Variants in SIPA1L1 observed in about 807,000 individuals in gnomAD.
The protein encoded by SIPA1L1 is signal induced proliferation associated 1 like 1.
SIPA1L1 carries 26 observed loss-of-function variants against 162.7 expected under a neutral mutation model. That is an observed-to-expected ratio of 0.16 (90% CI 0.12 to 0.22). SIPA1L1 has a LOEUF of 0.22. Ranked by LOEUF, SIPA1L1 falls within the 10% of genes least tolerant of loss-of-function variation. The probability of loss-of-function intolerance (pLI) is 1.00; values close to 1 mark genes in which losing one functional copy is unlikely to be tolerated. For missense variants in SIPA1L1, 1,874 were observed against 2,241.0 expected, an observed-to-expected ratio of 0.84 and a Z score of 3.31; for synonymous variants, 829 against 837.4, an observed-to-expected ratio of 0.99 and a Z score of 0.17.
Position 71,547,771 on chromosome 14 carries a change from C to T in SIPA1L1, c.-303+18401C>T, listed in dbSNP as rs557009826. 1.1e-3 allele frequency among the ~76,000 whole-genome samples: 166 copies of T among 152,316 alleles called. 2 individuals are homozygous for T. The highest frequency in any genetic ancestry group is 3.9e-3 in the African/African-American group (161 of 41,568). ...ACCCTTTCCTTAAATAACAGATGCT[C>T]GTGAGCTGCACTTCAAGATTCCTGT... is the stretch of plus-strand genomic sequence containing the variant. On this transcript the variant is annotated intron_variant, in intron 4 of 23. Coordinates refer to ENST00000381232, the MANE Select transcript of SIPA1L1 (RefSeq NM_001386936.1).
chr14:71,479,119 A>G (rs1321700201), intron 2 of SIPA1L1, among the ~76,000 whole-genome samples: 1 of 152,044 alleles, frequency 6.6e-6, no homozygotes, highest in Admixed American at 6.6e-5. Flanking sequence ...ATTTCTTACG[A>G]AAAAAGTGGG....
At chr14:71,731,987 G>A (rs1407287768) in intron 20 of SIPA1L1, among the ~76,000 whole-genome samples, 1 of 152,152 alleles carries the variant, frequency 6.6e-6, no homozygotes, top group Non-Finnish European at 1.5e-5. Context: ...ATGGAAATTC[G>A]GGCCCCAGAG....
chr14:71,662,051 A>C (rs2043570597), intron 10 of SIPA1L1, among the ~76,000 whole-genome samples: 1 of 152,232 alleles, frequency 6.6e-6, no homozygotes, highest in South Asian at 2.1e-4. Flanking sequence ...GAGTTGAAGG[A>C]GATAGGGACC....
At chr14:71,611,891 A>T (rs2038265624) in intron 5 of SIPA1L1, among the ~76,000 whole-genome samples, 2 of 152,216 alleles carry the variant, frequency 1.3e-5, no homozygotes, top group African/African-American at 4.8e-5. Flanking sequence ...TCTAATGAAA[A>T]TATTAAACTG....
At position 71,502,407 on chromosome 14, in the gene SIPA1L1, T is replaced by TTGTG. The variant is rs113441124; in HGVS notation, c.-464-10320_-464-10317dup. 6.0e-4 allele frequency among the ~76,000 whole-genome samples: 90 copies of TTGTG among 149,092 alleles called. 1 individual carries two copies. Among genetic ancestry groups the TTGTG allele is most frequent in the Middle Eastern group, 6.8e-3 (2 of 294 alleles). The stretch of plus-strand genomic sequence containing the variant: ...GCACATGCTACCATGCCTGGCAATT[T>TTGTG]TGTGTGTGTGTGTGTGTGTTTTTAG... On this transcript the variant is annotated intron_variant, in intron 2 of 23. Transcript: ENST00000381232.
At chr14:71,603,124 G>C (rs1229766735) in intron 5 of SIPA1L1, among the ~76,000 whole-genome samples, 8 of 151,992 alleles carry the variant, frequency 5.3e-5, no homozygotes, top group African/African-American at 1.2e-4. Flanking sequence ...CTCTTACTTT[G>C]TTTGACTTAA....
chr14:71,446,059 G>A (rs905813163), intron 2 of SIPA1L1, among the ~76,000 whole-genome samples: 1 of 152,090 alleles, frequency 6.6e-6, no homozygotes, highest in Non-Finnish European at 1.5e-5. Context: ...GTGTTGCCCA[G>A]GCTGATCTTG....
At chr14:71,652,885 T>C (rs2042746479) in intron 8 of SIPA1L1, among the ~76,000 whole-genome samples, 1 of 152,196 alleles carries the variant, frequency 6.6e-6, no homozygotes, top group Non-Finnish European at 1.5e-5. Flanking sequence ...ACATTTATAA[T>C]AGTTGTTTCA....
At chr14:71,330,791 A>AC in intron 2 of SIPA1L1, 1 of 713,504 alleles carries the variant, frequency 1.4e-6, no homozygotes, top group Non-Finnish European at 2.6e-6. Flanking sequence ...GTCCCTGACG[A>AC]CCTCAGGCTT....
chr14:71,380,338 C>T (rs1221643374), intron 2 of SIPA1L1, among the ~76,000 whole-genome samples: 4 of 152,284 alleles, frequency 2.6e-5, no homozygotes, highest in Admixed American at 1.3e-4. Context: ...AAATGACGCT[C>T]ATCTCATAAC....
intron 2 of SIPA1L1, among the ~76,000 whole-genome samples, chr14:71,506,300 CT>C (rs1001644110): frequency 3.3e-5 from 5 of 152,028 alleles, no homozygotes; most frequent in Non-Finnish European, 7.4e-5. Context: ...ACATAAGATC[CT>C]TTTCTGGGAG....
chr14:71,698,932 G>C (rs1045036115), intron 13 of SIPA1L1, 49 bp from the exon 14 acceptor site: 1 of 1,607,344 alleles, frequency 6.2e-7, no homozygotes, highest in Admixed American at 1.7e-5. Context: ...GTTGCCTTGG[G>C]ATTTTCCCTT....
intron 2 of SIPA1L1, among the ~76,000 whole-genome samples, chr14:71,361,050 G>T (rs895612035): frequency 6.6e-6 from 1 of 151,954 alleles, no homozygotes; most frequent in Non-Finnish European, 1.5e-5. Flanking sequence ...AATTATACTG[G>T]TATGGAGAAA....
intron 2 of SIPA1L1, among the ~76,000 whole-genome samples, chr14:71,465,599 G>A (rs574251746): frequency 8.5e-5 from 13 of 152,244 alleles, no homozygotes; most frequent in African/African-American, 3.1e-4. Context: ...TAGAAGTAGA[G>A]TCCTTAGCAT....
chr14:71,371,500 A>G (rs2038887524), intron 2 of SIPA1L1, among the ~76,000 whole-genome samples: 1 of 151,832 alleles, frequency 6.6e-6, no homozygotes, highest in Non-Finnish European at 1.5e-5. Context: ...TGATCCTCCC[A>G]CCTCAGCCTC....
At chr14:71,347,768 G>A (rs2036311828) in intron 2 of SIPA1L1, among the ~76,000 whole-genome samples, 2 of 152,068 alleles carry the variant, frequency 1.3e-5, no homozygotes, top group South Asian at 4.1e-4. Flanking sequence ...ATCTTTTTAT[G>A]TGTTTGCTGG....
intron 2 of SIPA1L1, among the ~76,000 whole-genome samples, chr14:71,395,966 C>A (rs191486535): frequency 9.2e-5 from 14 of 152,268 alleles, no homozygotes; most frequent in Admixed American, 9.2e-4. Context: ...AACTTGGCTT[C>A]CCATCCAGGT....
chr14:71,594,566 C>G (rs1031099562), intron 5 of SIPA1L1, among the ~76,000 whole-genome samples: 5 of 152,116 alleles, frequency 3.3e-5, no homozygotes, highest in Non-Finnish European at 7.3e-5. Context: ...TTTTAGATTT[C>G]AGATAAATGG....
At chr14:71,536,978 A>G (rs1392527860) in intron 4 of SIPA1L1, among the ~76,000 whole-genome samples, 1 of 152,054 alleles carries the variant, frequency 6.6e-6, no homozygotes. Context: ...TAGATTTTGT[A>G]TGGTCATATG....
Sources: allele counts gnomAD v4.1 joint callset (sites outside exome capture counted in the v4.1 genomes callset), GRCh38; gene constraint gnomAD v4.1.1; transcripts MANE v1.5; gene names NCBI Gene and HGNC (gene_info 2026-07-23, HGNC 2026-07-21).